Variants in IQGAP1 observed in about 807,000 individuals in gnomAD.
IQGAP1 encodes the protein ras GTPase-activating-like protein IQGAP1.
In IQGAP1, 66 loss-of-function variants were observed where a neutral mutation model predicts 215.6. The observed-to-expected ratio is 0.31, with a 90% confidence interval of 0.25 to 0.38. The LOEUF (loss-of-function observed/expected upper bound fraction) is 0.38. Among genes scored for constraint, IQGAP1 ranks in the 10% least tolerant of loss-of-function variants. The pLI is 1.00. For synonymous variants in IQGAP1, 772 were observed against 728.7 expected (o/e 1.06, Z -0.96); for missense variants, 1,712 against 1,997.1 (o/e 0.86, Z 2.72).
intron 2 of IQGAP1, chr15:90,393,872 G>C (rs1017407231): frequency 6.6e-6 from 1 of 152,272 alleles, no homozygotes; most frequent in South Asian, 2.1e-4. Flanking sequence ...GGTGGCTCAC[G>C]CCTGTAATCC....
intron 5 of IQGAP1, among the ~76,000 whole-genome samples, chr15:90,437,786 G>A (rs938890299): frequency 9.2e-5 from 14 of 152,094 alleles, no homozygotes; most frequent in Admixed American, 1.3e-4. Flanking sequence ...CTATCCTCCT[G>A]CCTCTCTTTC....
chr15:90,454,732 G>A (rs563816537), intron 14 of IQGAP1, among the ~76,000 whole-genome samples, 180 bp downstream of exon 14: 1 of 152,294 alleles, frequency 6.6e-6, no homozygotes, highest in African/African-American at 2.4e-5. Context: ...GCTATAATTA[G>A]GTATATGTCC....
intron 9 of IQGAP1, among the ~76,000 whole-genome samples, 180 bp downstream of exon 9, chr15:90,443,658 C>T (rs1288135526): frequency 6.6e-6 from 1 of 152,140 alleles, no homozygotes; most frequent in African/African-American, 2.4e-5. Context: ...AATTATTTAT[C>T]TTCAGTCAGC....
chr15:90,422,666 A>T (rs1331170939), intron 2 of IQGAP1, among the ~76,000 whole-genome samples: 1 of 120,662 alleles, frequency 8.3e-6, no homozygotes. Context: ...ATATGTATAT[A>T]TATATATATA....
intron 22 of IQGAP1, 54 bp from the exon 23 acceptor site, chr15:90,474,431 G>T: frequency 7.5e-7 from 1 of 1,326,800 alleles, no homozygotes; most frequent in South Asian, 1.2e-5. Flanking sequence ...GCTATTTCCT[G>T]AGACGTAGTA....
chr15:90,485,520 A>C (rs1025352357), intron 30 of IQGAP1, among the ~76,000 whole-genome samples: 1 of 151,918 alleles, frequency 6.6e-6, no homozygotes, highest in African/African-American at 2.4e-5. Context: ...GCTCACTGCA[A>C]CCTCCACCTA....
intron 2 of IQGAP1, among the ~76,000 whole-genome samples, chr15:90,416,511 A>T (rs1004529497): frequency 6.6e-6 from 1 of 151,956 alleles, no homozygotes; most frequent in Admixed American, 6.6e-5. Context: ...AGCAGTTTAC[A>T]GTCCCTCCAG....
At chr15:90,399,706 A>G (rs1294680011) in intron 2 of IQGAP1, among the ~76,000 whole-genome samples, 1 of 152,134 alleles carries the variant, frequency 6.6e-6, no homozygotes, top group Non-Finnish European at 1.5e-5. Context: ...GGGTCTTGTA[A>G]TGTTGATTGT....
intron 2 of IQGAP1, among the ~76,000 whole-genome samples, chr15:90,404,351 A>G (rs1386943189): frequency 6.6e-6 from 1 of 152,326 alleles, no homozygotes; most frequent in South Asian, 2.1e-4. Flanking sequence ...TGCCAGTTTC[A>G]TAGGTGAAAA....
chr15:90,495,566 A>G (rs1160396753), intron 36 of IQGAP1, among the ~76,000 whole-genome samples: 2 of 151,776 alleles, frequency 1.3e-5, no homozygotes, highest in Non-Finnish European at 2.9e-5. Flanking sequence ...TAAAGATTAT[A>G]CACGACTCAC....
At position 90,471,412 on chromosome 15, in the gene IQGAP1, C is replaced by T. The variant is rs1251224117; in HGVS notation, c.2179-1428C>T. Among the ~76,000 whole-genome samples the T allele has an allele frequency of 2.0e-5, 3 of 151,974 alleles. No homozygotes were observed. The East Asian group carries it at 5.8e-4, about 29-fold the overall frequency. The stretch of plus-strand genomic sequence containing the variant: ...AAGGAGAGCAAAAAAGGTGTACTGT[C>T]AGCTGTCTGTTTCTCTCAAGGAGCT... On this transcript the variant is annotated intron_variant, in intron 18 of 37. Transcript: ENST00000268182.
At chr15:90,459,853 A>G (rs1314075832) in intron 15 of IQGAP1, among the ~76,000 whole-genome samples, 1 of 151,948 alleles carries the variant, frequency 6.6e-6, no homozygotes, top group East Asian at 1.9e-4. Context: ...CTGTAGTTTT[A>G]TTTTCTTCTG....
chr15:90,389,832 C>T (rs1185009621), intron 1 of IQGAP1, among the ~76,000 whole-genome samples: 1 of 151,350 alleles, frequency 6.6e-6, no homozygotes, highest in Admixed American at 6.6e-5. Flanking sequence ...TGGCCCATGC[C>T]TGTGGTCCCA....
chr15:90,423,924 C>T (rs1219528808), intron 2 of IQGAP1, among the ~76,000 whole-genome samples: 1 of 152,174 alleles, frequency 6.6e-6, no homozygotes, highest in Non-Finnish European at 1.5e-5. Context: ...AACCTAAATA[C>T]CTCTGGTAAC....
At chr15:90,457,421 A>G (rs76771969) in intron 15 of IQGAP1, among the ~76,000 whole-genome samples, 3,459 of 151,258 alleles carry the variant, frequency 0.023, 114 homozygotes, top group African/African-American at 0.078. Flanking sequence ...ACTGTTGTAA[A>G]TAGGGCTTCT....
chr15:90,410,238 A>C (rs1964939804), intron 2 of IQGAP1, among the ~76,000 whole-genome samples: 1 of 152,210 alleles, frequency 6.6e-6, no homozygotes, highest in Non-Finnish European at 1.5e-5. Context: ...TATGTCCTGA[A>C]TGGTATTTCC....
At position 90,492,677 on chromosome 15, in the gene IQGAP1, A is replaced by C. The variant is rs1343436334; in HGVS notation, c.4594A>C (p.Lys1532Gln). The C allele has an allele frequency of 3.7e-6, 6 of 1,612,688 alleles. No individual in the cohort carries two copies. Among genetic ancestry groups the C allele is most frequent in the Non-Finnish European group, 5.1e-6 (6 of 1,179,664 alleles). ...GGTGGATTACTATAAAAGCTATATC[A>C]AAACCTGCTTGGATAACTTAGCCAG... ...EQVDYYKSYI[K>Q]TCLDNLASKG... The change falls in exon 35 of 38, where the codon AAA (lysine) becomes CAA (glutamine). Residue 1532 changes from lysine to glutamine, a missense_variant. Physicochemically the swap from Lys to Gln is moderately conservative, Grantham distance 53. Around this residue, in one of 2 missense-constraint regions of IQGAP1, gnomAD observed 691 missense variants for 923.0 expected, o/e 0.75. Transcript: ENST00000268182.
intron 15 of IQGAP1, among the ~76,000 whole-genome samples, chr15:90,460,766 AG>A (rs35405469): frequency 1.3e-5 from 2 of 152,138 alleles, no homozygotes; most frequent in Non-Finnish European, 2.9e-5. Flanking sequence ...TGGGATGCCA[AG>A]GCGGGTGGAT....
chr15:90,452,691 A>G (rs773021358), intron 11 of IQGAP1, 84 bp from the exon 12 acceptor site: 6 of 1,442,826 alleles, frequency 4.2e-6, no homozygotes, highest in Non-Finnish European at 5.7e-6. Flanking sequence ...ACAGAATGTG[A>G]TATTTTTCCC....
Sources: allele counts gnomAD v4.1 joint callset (sites outside exome capture counted in the v4.1 genomes callset), GRCh38; gene constraint gnomAD v4.1.1; regional missense constraint gnomAD v4.1.1; transcripts MANE v1.5; gene names NCBI Gene and HGNC (gene_info 2026-07-23, HGNC 2026-07-21).